The following ADAMTS6 variants were observed in gnomAD, a reference collection of about 807,000 sequenced individuals.
ADAMTS6 encodes ADAM metallopeptidase with thrombospondin type 1 motif 6, also known as A disintegrin and metalloproteinase with thrombospondin motifs 6.
In ADAMTS6, 23 loss-of-function variants were observed where a neutral mutation model predicts 144.3. That is an observed-to-expected ratio of 0.16 (90% CI 0.11 to 0.23). ADAMTS6 has a LOEUF of 0.23. Among genes scored for constraint, ADAMTS6 ranks in the 10% least tolerant of loss-of-function variants. The pLI, the probability that ADAMTS6 is intolerant of heterozygous loss-of-function variation, is 1.00. For missense variants in ADAMTS6, 999 were observed against 1,379.6 expected, an observed-to-expected ratio of 0.72 and a Z score of 4.37; for synonymous variants, 444 against 457.5, an observed-to-expected ratio of 0.97 and a Z score of 0.38.
chr5:65,296,823 T>A (rs1334890694), intron 10 of ADAMTS6, among the ~76,000 whole-genome samples: 1 of 152,236 alleles, frequency 6.6e-6, no homozygotes, highest in Non-Finnish European at 1.5e-5. Context: ...TTGCTATGGA[T>A]CTTTGACAGT....
chr5:65,161,069 C>T (rs1197903233), intron 24 of ADAMTS6, among the ~76,000 whole-genome samples: 3 of 151,578 alleles, frequency 2.0e-5, no homozygotes, highest in Non-Finnish European at 4.4e-5. Flanking sequence ...GACAGAGTCT[C>T]ACTCTGTCAC....
chr5:65,214,769 G>A lies in ADAMTS6; in HGVS notation c.2575+25C>T. 6.2e-7 allele frequency: 1 copy of A among 1,613,928 alleles called. No individual in the cohort carries two copies. The highest frequency in any genetic ancestry group is 8.5e-7 in the Non-Finnish European group (1 of 1,179,988). Reference sequence around the variant, plus strand: ...TTTTGTTCTCCATCTTGCCCTCTGGGTGGGCTGCCTAGTGGGCATCTTACC... The same window carrying A: ...TTTTGTTCTCCATCTTGCCCTCTGGATGGGCTGCCTAGTGGGCATCTTACC... On this transcript the variant is annotated intron_variant, in intron 20 of 24. Coordinates refer to ENST00000381055, the MANE Select transcript of ADAMTS6 (RefSeq NM_197941.4). This position sits in a 1 kb window ranked among gnomAD's most constrained non-coding sequence, Gnocchi z 4.6.
chr5:65,154,557 C>T (rs1752306565), intron 24 of ADAMTS6, among the ~76,000 whole-genome samples: 1 of 152,190 alleles, frequency 6.6e-6, no homozygotes, highest in Non-Finnish European at 1.5e-5. Flanking sequence ...GATCTGGATT[C>T]AGGTGGGCCT....
At position 65,473,967 on chromosome 5, in the gene ADAMTS6, A is replaced by T; in HGVS notation, c.-279-15T>A. 5 of 446,708 alleles carry T rather than the reference A, an allele frequency of 1.1e-5. No homozygotes were observed. Among genetic ancestry groups the T allele is most frequent in the East Asian group, 6.4e-5 (2 of 31,174 alleles). 27.7% of individuals were successfully genotyped at this position (446,708 alleles called of 1,614,324 possible). A position where few individuals can be genotyped will look rare whatever the true frequency, so the allele number is the denominator to read the frequency against. ...CATTTTTTAACCTAGAAAAAAAAAA[A>T]TTTAAGTTAACTGAAAAATATCCAG... On this transcript the variant is annotated splice_polypyrimidine_tract_variant and intron_variant, in intron 1 of 24. Transcript: ENST00000381055.
At chr5:65,398,781 CAAGAAAGAAAGAAAGAAAGA>C (rs199684759) in intron 7 of ADAMTS6, among the ~76,000 whole-genome samples, 1,659 of 106,876 alleles carry the variant, frequency 0.016, 21 homozygotes, top group African/African-American at 0.021. Context: ...GAAGAGAGAG[CAAGAAAGAAAGAAAGAAAGA>C]AAGAAAGAAA....
chr5:65,262,761 T>C (rs1348811960), intron 13 of ADAMTS6, 56 bp downstream of exon 13: 5 of 1,455,194 alleles, frequency 3.4e-6, no homozygotes, highest in East Asian at 5.1e-5. Flanking sequence ...AACCACAGCT[T>C]TGAATCATTT....
intron 17 of ADAMTS6, 35 bp downstream of exon 17, chr5:65,224,889 A>C (rs1757609225): frequency 1.3e-6 from 2 of 1,588,554 alleles, no homozygotes; most frequent in Non-Finnish European, 1.7e-6. Flanking sequence ...CAAGTACACC[A>C]GAGGTGTGAG....
chr5:65,219,639 G>C (rs988503816), intron 18 of ADAMTS6, among the ~76,000 whole-genome samples: 1 of 152,128 alleles, frequency 6.6e-6, no homozygotes, highest in African/African-American at 2.4e-5. Flanking sequence ...AAACTCCTAA[G>C]CTCAATGATT....
intron 7 of ADAMTS6, among the ~76,000 whole-genome samples, chr5:65,440,816 T>G (rs968297248): frequency 6.6e-6 from 1 of 152,100 alleles, no homozygotes; most frequent in South Asian, 2.1e-4. Flanking sequence ...TGGGGAATAA[T>G]TAGCCCTAAA....
intron 7 of ADAMTS6, among the ~76,000 whole-genome samples, chr5:65,410,033 C>A (rs1754916643): frequency 1.3e-5 from 2 of 152,096 alleles, no homozygotes; most frequent in South Asian, 4.1e-4. Flanking sequence ...AAAATTATTT[C>A]CAACTTCATT....
At chr5:65,342,580 C>T (rs530193319) in intron 7 of ADAMTS6, among the ~76,000 whole-genome samples, 1 of 152,040 alleles carries the variant, frequency 6.6e-6, no homozygotes, top group East Asian at 1.9e-4. Context: ...CCCTATGTGA[C>T]AAACCCACAG....
intron 15 of ADAMTS6, among the ~76,000 whole-genome samples, chr5:65,232,014 G>C (rs1053449432): frequency 1.3e-5 from 2 of 152,146 alleles, no homozygotes. Flanking sequence ...GGGAGGCTGA[G>C]GCAGGAGAAT....
At chr5:65,299,849 A>G in intron 10 of ADAMTS6, 136 bp downstream of exon 10, 1 of 930,314 alleles carries the variant, frequency 1.1e-6, no homozygotes, top group Non-Finnish European at 1.5e-6. Flanking sequence ...ATATTAAAGT[A>G]TTTAGGAAAA....
intron 7 of ADAMTS6, among the ~76,000 whole-genome samples, chr5:65,429,803 G>A (rs1302786555): frequency 6.6e-6 from 1 of 151,990 alleles, no homozygotes; most frequent in Non-Finnish European, 1.5e-5. Flanking sequence ...TAGAAAATAT[G>A]AACAATAGTT....
rs1265563802 is a variant in ADAMTS6, at chr5:65,149,185, G to GT, written c.*2650dup. ...TACTGCTCCCAGGTGTAGGGTACCA[G>GT]TTTCCCTGGGGTTCCCTAAGTAGTC... On this transcript the variant is annotated 3_prime_UTR_variant, in exon 25 of 25. Coordinates refer to ENST00000381055, the MANE Select transcript of ADAMTS6 (RefSeq NM_197941.4). 6.6e-6 allele frequency: 1 copy of GT among 152,264 alleles called. No individual in the cohort carries two copies. The highest frequency in any genetic ancestry group is 2.4e-5 in the African/African-American group (1 of 41,438). The allele number at this position is 152,264 out of a possible 1,614,324, so 9.4% of individuals were successfully genotyped here.
chr5:65,422,155 T>C (rs1043650729), intron 7 of ADAMTS6, among the ~76,000 whole-genome samples: 3 of 151,802 alleles, frequency 2.0e-5, no homozygotes, highest in Non-Finnish European at 2.9e-5. Context: ...CACGAATAGG[T>C]AGTTCTCAAA....
intron 1 of ADAMTS6, among the ~76,000 whole-genome samples, chr5:65,474,531 G>A (rs549011546): frequency 3.3e-5 from 5 of 152,066 alleles, no homozygotes; most frequent in Admixed American, 2.0e-4. Context: ...GAAGTCTTAT[G>A]TGACTTATAA....
At chr5:65,307,181 T>C (rs1744018043) in intron 9 of ADAMTS6, among the ~76,000 whole-genome samples, 1 of 152,232 alleles carries the variant, frequency 6.6e-6, no homozygotes, top group Non-Finnish European at 1.5e-5. Context: ...ATGTTACAAG[T>C]ATGCTTAGTT....
intron 7 of ADAMTS6, among the ~76,000 whole-genome samples, chr5:65,349,290 C>T (rs1028567695): frequency 6.6e-6 from 1 of 151,980 alleles, no homozygotes; most frequent in African/African-American, 2.4e-5. Context: ...TTTTTATTTA[C>T]AGTCTGGCAA....
Sources: allele counts gnomAD v4.1 joint callset (sites outside exome capture counted in the v4.1 genomes callset), GRCh38; gene constraint gnomAD v4.1.1; non-coding constraint Gnocchi (gnomAD v3.1); transcripts MANE v1.5; gene names NCBI Gene and HGNC (gene_info 2026-07-23, HGNC 2026-07-21).